The following KIF2A variants were observed in gnomAD, a reference collection of about 807,000 sequenced individuals.
The protein encoded by KIF2A is kinesin family member 2A.
In KIF2A, 22 loss-of-function variants were observed where a neutral mutation model predicts 100.2. That is an observed-to-expected ratio of 0.22 (90% CI 0.16 to 0.31). The LOEUF (loss-of-function observed/expected upper bound fraction) is 0.31, where lower values mean the gene tolerates loss of function less well. Ranked by LOEUF, KIF2A falls within the 10% of genes least tolerant of loss-of-function variation. The pLI is 1.00. For missense variants in KIF2A, 495 were observed against 898.7 expected, an observed-to-expected ratio of 0.55 and a Z score of 5.74; for synonymous variants, 268 against 285.9, an observed-to-expected ratio of 0.94 and a Z score of 0.63.
intron 18 of KIF2A, among the ~76,000 whole-genome samples, chr5:62,376,538 GC>G (rs1741556018): frequency 6.6e-6 from 1 of 152,028 alleles, no homozygotes; most frequent in Non-Finnish European, 1.5e-5. Context: ...TCCTGCCTCA[GC>G]CTCCCGAGTA....
chr5:62,358,083 T>C, intron 8 of KIF2A, 54 bp from the exon 9 acceptor site: 1 of 1,300,392 alleles, frequency 7.7e-7, no homozygotes, highest in South Asian at 1.6e-5. Flanking sequence ...ATTTTGTACA[T>C]GAACTCAAAT....
intron 1 of KIF2A, among the ~76,000 whole-genome samples, chr5:62,343,968 G>C (rs1254998972): frequency 1.3e-5 from 2 of 152,172 alleles, no homozygotes; most frequent in Non-Finnish European, 2.9e-5. Flanking sequence ...GTGATTAATA[G>C]CAAGTACTTT....
At chr5:62,327,779 C>T (rs1252533115) in intron 1 of KIF2A, among the ~76,000 whole-genome samples, 1 of 152,072 alleles carries the variant, frequency 6.6e-6, no homozygotes, top group Non-Finnish European at 1.5e-5. Flanking sequence ...TAGAAATTTC[C>T]ACGACTCAGG....
chr5:62,322,376 TTTGA>T (rs1746143580), intron 1 of KIF2A, among the ~76,000 whole-genome samples: 2 of 152,220 alleles, frequency 1.3e-5, no homozygotes, highest in Non-Finnish European at 2.9e-5. Flanking sequence ...AATTTTTAAT[TTTGA>T]TTAAGTCCAG....
intron 7 of KIF2A, among the ~76,000 whole-genome samples, 166 bp downstream of exon 7, chr5:62,355,420 A>G (rs975197661): frequency 6.6e-6 from 1 of 152,186 alleles, no homozygotes; most frequent in Admixed American, 6.5e-5. Context: ...ATCCACATTA[A>G]TGCTTATTTT....
chr5:62,330,664 C>T (rs571734602), intron 1 of KIF2A, among the ~76,000 whole-genome samples: 4 of 152,088 alleles, frequency 2.6e-5, no homozygotes, highest in Admixed American at 6.6e-5. Flanking sequence ...CTCTTAGTCT[C>T]TGCTTGAGAG....
Position 62,355,211 on chromosome 5 carries a change from T to G in KIF2A, c.611T>G (p.Phe204Cys). The change falls in exon 7 of 21, where the codon TTT (phenylalanine) becomes TGT (cysteine). Residue 204 changes from phenylalanine (F) to cysteine (C), a missense_variant. Transcript: ENST00000407818. The part of the protein sequence containing the change: ...NYEIMCMIRD[F>C]RGSLDYRPLT... ...GAAATTATGTGTATGATCAGAGACT[T>G]TAGAGGAAGTTTGGATTATAGACCA... 1 of 1,601,268 alleles carries G rather than the reference T, an allele frequency of 6.2e-7. No homozygotes were observed. Among genetic ancestry groups the G allele is most frequent in the Non-Finnish European group, 8.6e-7 (1 of 1,169,354 alleles).
intron 18 of KIF2A, among the ~76,000 whole-genome samples, chr5:62,375,670 T>C (rs1741506389): frequency 6.6e-6 from 1 of 152,252 alleles, no homozygotes; most frequent in Non-Finnish European, 1.5e-5. Flanking sequence ...CTACTTTTTG[T>C]TACCATGTTC....
At chr5:62,310,017 T>A (rs1745481980) in intron 1 of KIF2A, among the ~76,000 whole-genome samples, 2 of 152,040 alleles carry the variant, frequency 1.3e-5, no homozygotes, top group Non-Finnish European at 2.9e-5. Flanking sequence ...ATATTCTTAA[T>A]ACTATGTTTT....
intron 1 of KIF2A, among the ~76,000 whole-genome samples, chr5:62,313,289 T>C (rs1190893786): frequency 6.6e-6 from 1 of 152,196 alleles, no homozygotes; most frequent in East Asian, 1.9e-4. Flanking sequence ...ACATGTCATA[T>C]ATGCCATCTC....
chr5:62,308,224 C>A (rs985907042), intron 1 of KIF2A: 22 of 597,710 alleles, frequency 3.7e-5, no homozygotes, highest in Non-Finnish European at 5.5e-5. Flanking sequence ...GAAAGAGATA[C>A]CTTCTTTACT....
At chr5:62,344,478 CAT>C (rs570492588) in intron 1 of KIF2A, among the ~76,000 whole-genome samples, 116 of 152,212 alleles carry the variant, frequency 7.6e-4, no homozygotes, top group Admixed American at 2.5e-3. Flanking sequence ...AAATCTGACA[CAT>C]GAGATGATAA....
intron 1 of KIF2A, among the ~76,000 whole-genome samples, chr5:62,320,790 C>T (rs1219522096): frequency 6.7e-6 from 1 of 150,198 alleles, no homozygotes; most frequent in East Asian, 1.9e-4. Context: ...ACCTAATAAA[C>T]CTAAAGAGCC....
At chr5:62,306,788 G>T in intron 1 of KIF2A, 1 of 475,988 alleles carries the variant, frequency 2.1e-6, no homozygotes, top group Non-Finnish European at 3.7e-6. Context: ...CGGGTGTCGA[G>T]GGTCGCGTCT....
intron 17 of KIF2A, 88 bp from the exon 18 acceptor site, chr5:62,373,599 T>C (rs1741410846): frequency 1.1e-6 from 1 of 903,220 alleles, no homozygotes; most frequent in African/African-American, 1.7e-5. Context: ...GTATGTTAAC[T>C]GAATTGCGTG....
chr5:62,311,795 TC>T lies in KIF2A; in HGVS notation c.64+5260del, dbSNP rs530414575. The T allele has an allele frequency of 8.5e-5, 13 of 152,330 alleles. No individual in the cohort carries two copies. The East Asian group carries it at 2.5e-3, about 29-fold the overall frequency. The allele number at this position is 152,330 out of a possible 1,614,324, so 9.4% of individuals were successfully genotyped here. On this transcript the variant is annotated intron_variant, in intron 1 of 20. Transcript: ENST00000407818. Reference sequence around the variant, plus strand: ...CCCTGAGGACTAGGACGATAATGTTTCTGTATATGGATTTGTTAGGGCTTAA... The same window carrying T: ...CCCTGAGGACTAGGACGATAATGTTTTGTATATGGATTTGTTAGGGCTTAA...
intron 1 of KIF2A, among the ~76,000 whole-genome samples, chr5:62,331,217 G>T (rs1041100877): frequency 6.6e-6 from 1 of 151,876 alleles, no homozygotes; most frequent in Non-Finnish European, 1.5e-5. Flanking sequence ...TTCGAGACAA[G>T]CCTGACCAAC....
chr5:62,341,151 C>G (rs1474006626), intron 1 of KIF2A, among the ~76,000 whole-genome samples: 1 of 152,208 alleles, frequency 6.6e-6, no homozygotes, highest in Non-Finnish European at 1.5e-5. Flanking sequence ...AATTCTCAGT[C>G]CTGCCCTGCT....
chr5:62,358,183 T>C lies in KIF2A; in HGVS notation c.756T>C (p.Asp252=). Residue 252 remains aspartate (D), a synonymous_variant, in exon 9 of 21, where the codon GAT becomes GAC. Coordinates refer to ENST00000407818, the MANE Select transcript of KIF2A (RefSeq NM_001098511.3). ...ATGTAATCACAATTCCTAGTAAAGA[T>C]GTTGTGATGGTACATGAACCAAAAC... ...DLDVITIPSK[D]VVMVHEPKQK... 2 of 1,592,398 alleles carry C rather than the reference T, an allele frequency of 1.3e-6. No individual in the cohort carries two copies. The highest frequency in any genetic ancestry group is 1.7e-6 in the Non-Finnish European group (2 of 1,172,722).
Sources: allele counts gnomAD v4.1 joint callset (sites outside exome capture counted in the v4.1 genomes callset), GRCh38; gene constraint gnomAD v4.1.1; transcripts MANE v1.5; gene names NCBI Gene and HGNC (gene_info 2026-07-23, HGNC 2026-07-21).